Variants in RBFOX1 observed in about 807,000 individuals in gnomAD.
RBFOX1 encodes RNA binding fox-1 homolog 1, also known as RNA binding protein fox-1 homolog 1.
RBFOX1 carries 8 observed loss-of-function variants against 57.7 expected under a neutral mutation model. The ratio of observed to expected loss-of-function variants is 0.14; its 90% confidence interval spans 0.08 to 0.25. RBFOX1 has a LOEUF of 0.25. Among genes scored for constraint, RBFOX1 ranks in the 10% least tolerant of loss-of-function variants. The pLI is 1.00. For synonymous variants in RBFOX1, 326 were observed against 222.4 expected, an observed-to-expected ratio of 1.47 and a Z score of -4.15; for missense variants, 611 against 548.5, an observed-to-expected ratio of 1.11 and a Z score of -1.14.
intron 3 of RBFOX1, among the ~76,000 whole-genome samples, chr16:5,791,956 G>T (rs1252483566): frequency 6.6e-6 from 1 of 152,140 alleles, no homozygotes; most frequent in Admixed American, 6.5e-5. Context: ...TGCCTCTGGG[G>T]CTTGGAGGTC....
chr16:6,423,466 G>T (rs2093832841), intron 2 of RBFOX1, among the ~76,000 whole-genome samples: 1 of 152,144 alleles, frequency 6.6e-6, no homozygotes, highest in Non-Finnish European at 1.5e-5. Flanking sequence ...AGGTTTGATG[G>T]TGCATGTCTG....
chr16:6,024,494 C>G (rs1281902143), intron 1 of RBFOX1, among the ~76,000 whole-genome samples: 1 of 151,276 alleles, frequency 6.6e-6, no homozygotes, highest in African/African-American at 2.5e-5. Context: ...CTCATCTCCG[C>G]TTTCTTTTTT....
intron 3 of RBFOX1, among the ~76,000 whole-genome samples, chr16:5,682,567 T>C (rs1316355036): frequency 6.6e-6 from 1 of 152,214 alleles, no homozygotes; most frequent in African/African-American, 2.4e-5. Context: ...GTGATTACTT[T>C]AAATCCTTGT....
chr16:5,339,738 C>G (rs2064993381), intron 1 of RBFOX1, among the ~76,000 whole-genome samples: 1 of 152,014 alleles, frequency 6.6e-6, no homozygotes. Flanking sequence ...CTCAAGTCCT[C>G]AGAGCAAAGT....
chr16:6,154,234 G>A (rs2096823288), intron 1 of RBFOX1, among the ~76,000 whole-genome samples: 2 of 152,230 alleles, frequency 1.3e-5, no homozygotes, highest in African/African-American at 4.8e-5. Context: ...TGCCTTGCAA[G>A]GTTATCAGGT....
chr16:7,330,472 C>G (rs1258639025), intron 4 of RBFOX1, among the ~76,000 whole-genome samples: 36 of 94,424 alleles, frequency 3.8e-4, no homozygotes, highest in African/African-American at 1.8e-3. Flanking sequence ...ATGGAGAGCT[C>G]TGTGTGTGTG....
intron 4 of RBFOX1, among the ~76,000 whole-genome samples, chr16:7,389,046 G>A (rs996814224): frequency 6.6e-6 from 1 of 152,092 alleles, no homozygotes; most frequent in African/African-American, 2.4e-5. Context: ...TGAATTGGGG[G>A]TATGGCCATA....
intron 3 of RBFOX1, among the ~76,000 whole-genome samples, chr16:6,856,690 C>T (rs1381377945): frequency 1.3e-5 from 2 of 151,932 alleles, no homozygotes; most frequent in Non-Finnish European, 2.9e-5. Context: ...TTACAAATTC[C>T]ATTTAATAAG....
intron 1 of RBFOX1, chr16:6,038,979 T>C (rs2095406066): frequency 1.6e-5 from 2 of 126,870 alleles, no homozygotes; most frequent in South Asian, 2.5e-4. Context: ...CCAGCCAATG[T>C]CCTCTGCTCT....
intron 4 of RBFOX1, among the ~76,000 whole-genome samples, chr16:7,298,679 G>C (rs985700844): frequency 6.6e-6 from 1 of 152,176 alleles, no homozygotes; most frequent in Non-Finnish European, 1.5e-5. Context: ...AACGTATTTT[G>C]TATGTTACAT....
chr16:6,201,064 T>G (rs553026872), intron 1 of RBFOX1, among the ~76,000 whole-genome samples: 1 of 152,268 alleles, frequency 6.6e-6, no homozygotes, highest in South Asian at 2.1e-4. Context: ...ATATTTGTCT[T>G]TCTGTGTCTG....
intron 4 of RBFOX1, among the ~76,000 whole-genome samples, chr16:7,466,071 C>A (rs2060465925): frequency 6.6e-6 from 1 of 152,292 alleles, no homozygotes; most frequent in South Asian, 2.1e-4. Flanking sequence ...TGCTCAGAGA[C>A]TTTCTCCAGG....
chr16:5,922,689 T>C (rs767459302), intron 4 of RBFOX1, among the ~76,000 whole-genome samples: 6 of 152,252 alleles, frequency 3.9e-5, no homozygotes, highest in African/African-American at 7.2e-5. Context: ...TATTTATCTA[T>C]TCATTCTCCT....
At chr16:6,306,995 A>T (rs1457601215) in intron 1 of RBFOX1, among the ~76,000 whole-genome samples, 1 of 152,144 alleles carries the variant, frequency 6.6e-6, no homozygotes, top group Non-Finnish European at 1.5e-5. Context: ...CACCACCCAA[A>T]AAGTCAAACT....
chr16:7,227,620 A>G (rs1437272704), intron 4 of RBFOX1, among the ~76,000 whole-genome samples: 2 of 152,166 alleles, frequency 1.3e-5, no homozygotes, highest in Non-Finnish European at 1.5e-5. Context: ...CAAGCATTCC[A>G]AGCCCAGTCA....
intron 4 of RBFOX1, among the ~76,000 whole-genome samples, chr16:5,917,513 G>T (rs1350812887): frequency 6.6e-6 from 1 of 152,162 alleles, no homozygotes; most frequent in Non-Finnish European, 1.5e-5. Context: ...CAAAGAAGAC[G>T]GGAATTCCCA....
chr16:5,702,750 A>T (rs2051097874), intron 3 of RBFOX1, among the ~76,000 whole-genome samples: 2 of 152,144 alleles, frequency 1.3e-5, no homozygotes, highest in South Asian at 4.1e-4. Flanking sequence ...GAATAGATTG[A>T]GATGCATGAA....
chr16:6,982,837 A>C (rs528564646), intron 3 of RBFOX1, among the ~76,000 whole-genome samples: 1 of 152,112 alleles, frequency 6.6e-6, no homozygotes, highest in African/African-American at 2.4e-5. Context: ...TACTAAAAAT[A>C]CAAAAATTAG....
chr16:7,341,114 C>G (rs1006736518), intron 4 of RBFOX1, among the ~76,000 whole-genome samples: 3 of 152,060 alleles, frequency 2.0e-5, no homozygotes, highest in African/African-American at 4.8e-5. Flanking sequence ...ATACTCACCC[C>G]TATTTATGTT....
Sources: allele counts gnomAD v4.1 joint callset (sites outside exome capture counted in the v4.1 genomes callset), GRCh38; gene constraint gnomAD v4.1.1; transcripts MANE v1.5; gene names NCBI Gene and HGNC (gene_info 2026-07-23, HGNC 2026-07-21).